GREM2: variants seen among roughly 807,000 people sequenced by gnomAD.
GREM2 encodes the protein gremlin 2, DAN family BMP antagonist, also known as gremlin-2.
Under a neutral mutation model 14.2 loss-of-function variants are expected in GREM2, and 11 were observed. The observed-to-expected ratio is 0.78, with a 90% CI of 0.49 to 1.28. GREM2 has a LOEUF of 1.28. GREM2 is among the 50% of genes most tolerant of loss of function. The pLI is 0.00. For missense variants in GREM2, 210 were observed against 218.5 expected, an observed-to-expected ratio of 0.96 and a Z score of 0.24; for synonymous variants, 98 against 97.6, an observed-to-expected ratio of 1.00 and a Z score of -0.02.
intron 1 of GREM2, among the ~76,000 whole-genome samples, chr1:240,563,458 T>A (rs7528086): frequency 0.072 from 10,929 of 152,190 alleles, 908 homozygotes; most frequent in African/African-American, 0.2. Context: ...CATAATGGCA[T>A]AGCAAATTGA....
At chr1:240,571,556 C>A (rs368765294) in intron 1 of GREM2, among the ~76,000 whole-genome samples, 3 of 152,116 alleles carry the variant, frequency 2.0e-5, no homozygotes, top group Admixed American at 1.3e-4. Context: ...ATTAGCCGGG[C>A]ATGGTGGCAG....
At chr1:240,592,979 CAAA>C (rs59141248) in intron 1 of GREM2, among the ~76,000 whole-genome samples, 6 of 131,414 alleles carry the variant, frequency 4.6e-5, no homozygotes, top group Non-Finnish European at 4.9e-5. Context: ...ATTAAAACTA[CAAA>C]AAAAAAAAAA....
At chr1:240,533,762 C>T (rs1268073611) in intron 1 of GREM2, among the ~76,000 whole-genome samples, 2 of 152,152 alleles carry the variant, frequency 1.3e-5, no homozygotes, top group African/African-American at 4.8e-5. Flanking sequence ...ATTGAGATAC[C>T]ATTGGCTGTG....
intron 1 of GREM2, among the ~76,000 whole-genome samples, chr1:240,548,640 G>A (rs1053651349): frequency 2.0e-5 from 3 of 152,228 alleles, no homozygotes; most frequent in Admixed American, 6.5e-5. Flanking sequence ...TTTAGTAAGA[G>A]GTATCTAATT....
intron 1 of GREM2, chr1:240,530,599 TAG>T (rs1296004910): frequency 6.6e-6 from 1 of 152,210 alleles, no homozygotes; most frequent in Admixed American, 6.5e-5. Flanking sequence ...AGGAATTACA[TAG>T]AGTTATAAAT....
intron 1 of GREM2, among the ~76,000 whole-genome samples, chr1:240,504,315 A>T (rs1677634558): frequency 6.6e-6 from 1 of 152,152 alleles, no homozygotes; most frequent in African/African-American, 2.4e-5. Context: ...TTCTCATCTT[A>T]ACTACTACAG....
chr1:240,527,964 A>C (rs1678262282), intron 1 of GREM2, among the ~76,000 whole-genome samples: 1 of 152,234 alleles, frequency 6.6e-6, no homozygotes, highest in African/African-American at 2.4e-5. Context: ...AGAAAATAAA[A>C]AAGGATTAAA....
chr1:240,595,257 A>C (rs61833682), intron 1 of GREM2, among the ~76,000 whole-genome samples: 32,860 of 152,100 alleles, frequency 0.22, 4,413 homozygotes, highest in South Asian at 0.31. Flanking sequence ...ACTTGAACCC[A>C]GGAGGTGGAG....
At chr1:240,536,181 T>A (rs1029630451) in intron 1 of GREM2, among the ~76,000 whole-genome samples, 1 of 152,214 alleles carries the variant, frequency 6.6e-6, no homozygotes, top group African/African-American at 2.4e-5. Context: ...CCAATGGAGA[T>A]AATGTATTAT....
chr1:240,540,107 A>C lies in GREM2; in HGVS notation c.-1-46631T>G, dbSNP rs1025495602. ...GTTCCTATACCCCTGACTAAATTGC[A>C]GTTATGTCTTTAATTGAAACCTAGT... On this transcript the variant is annotated intron_variant, in intron 1 of 1. Coordinates refer to ENST00000318160, the MANE Select transcript of GREM2 (RefSeq NM_022469.4). This position sits in a 1 kb window ranked among gnomAD's most constrained non-coding sequence, Gnocchi z 4.2. 1.3e-5 allele frequency among the ~76,000 whole-genome samples: 2 copies of C among 152,108 alleles called. No homozygotes were observed. The highest frequency in any genetic ancestry group is 4.8e-5 in the African/African-American group (2 of 41,428).
intron 1 of GREM2, among the ~76,000 whole-genome samples, chr1:240,513,718 G>A (rs1677888323): frequency 6.6e-6 from 1 of 152,134 alleles, no homozygotes; most frequent in Non-Finnish European, 1.5e-5. Context: ...CGTGATAAAT[G>A]TTTGGATTCT....
At chr1:240,506,084 T>C (rs1021029182) in intron 1 of GREM2, among the ~76,000 whole-genome samples, 1 of 152,194 alleles carries the variant, frequency 6.6e-6, no homozygotes, top group East Asian at 1.9e-4. Context: ...GAACTAAAAA[T>C]GTTTGGAGAA....
At chr1:240,523,938 T>C (rs1678161523) in intron 1 of GREM2, among the ~76,000 whole-genome samples, 1 of 152,242 alleles carries the variant, frequency 6.6e-6, no homozygotes, top group Non-Finnish European at 1.5e-5. Context: ...CATTAAAAGG[T>C]TAAGTAACTT....
intron 1 of GREM2, among the ~76,000 whole-genome samples, chr1:240,534,379 A>G (rs1013366029): frequency 6.6e-6 from 1 of 152,206 alleles, no homozygotes; most frequent in Non-Finnish European, 1.5e-5. Flanking sequence ...TAAGAGAGAC[A>G]TCACATCTGC....
intron 1 of GREM2, among the ~76,000 whole-genome samples, chr1:240,598,896 G>A (rs745469443): frequency 4.6e-5 from 7 of 152,032 alleles, no homozygotes; most frequent in African/African-American, 7.2e-5. Context: ...AAAATACCAC[G>A]GAGAAGAGTG....
intron 1 of GREM2, among the ~76,000 whole-genome samples, chr1:240,562,854 G>A (rs886295967): frequency 2.0e-5 from 3 of 150,942 alleles, no homozygotes; most frequent in Non-Finnish European, 4.4e-5. Flanking sequence ...GTGTGTATGT[G>A]TGTATGTGTA....
At chr1:240,530,013 G>A (rs1301044185) in intron 1 of GREM2, among the ~76,000 whole-genome samples, 2 of 152,120 alleles carry the variant, frequency 1.3e-5, no homozygotes, top group Non-Finnish European at 2.9e-5. Context: ...GAAGTCAGAA[G>A]ACTAGGGTTC....
chr1:240,530,200 G>T (rs1485024251), intron 1 of GREM2, among the ~76,000 whole-genome samples: 1 of 152,152 alleles, frequency 6.6e-6, no homozygotes, highest in Non-Finnish European at 1.5e-5. Flanking sequence ...AGCCACAGAA[G>T]CCCCTTTTCT....
At chr1:240,610,596 T>C (rs1680113014) in intron 1 of GREM2, among the ~76,000 whole-genome samples, 1 of 152,258 alleles carries the variant, frequency 6.6e-6, no homozygotes, top group Non-Finnish European at 1.5e-5. Context: ...TTATCTTCCT[T>C]GGTCGGGCAC....
Sources: allele counts gnomAD v4.1 joint callset (sites outside exome capture counted in the v4.1 genomes callset), GRCh38; gene constraint gnomAD v4.1.1; non-coding constraint Gnocchi (gnomAD v3.1); transcripts MANE v1.5; gene names NCBI Gene and HGNC (gene_info 2026-07-23, HGNC 2026-07-21).